The following TMSB15B variants were observed in gnomAD, a reference collection of about 807,000 sequenced individuals.
TMSB15B encodes thymosin beta 15B, also known as thymosin beta-15B.
At chrX:103,950,903 G>A (rs2075037515) in intron 1 of TMSB15B, among the ~76,000 whole-genome samples, 1 of 111,312 alleles carries the variant, frequency 9.0e-6, no homozygotes, top group Non-Finnish European at 1.9e-5. Flanking sequence ...TAGTGGGAAA[G>A]GAGAGTGGCT....
intron 1 of TMSB15B, among the ~76,000 whole-genome samples, chrX:103,947,508 T>C (rs142899634): frequency 1.1e-3 from 127 of 112,032 alleles, no homozygotes; most frequent in African/African-American, 4.0e-3. Flanking sequence ...GTATGTATAT[T>C]GTACTAAAAT....
At chrX:103,954,009 G>A (rs1293299148) in intron 1 of TMSB15B, among the ~76,000 whole-genome samples, 6 of 111,688 alleles carry the variant, frequency 5.4e-5, no homozygotes, top group African/African-American at 2.0e-4. Context: ...GAAACCCCTG[G>A]ATTGGGCTTA....
At chrX:103,946,037 C>A (rs781831120) in intron 1 of TMSB15B, among the ~76,000 whole-genome samples, 1 of 112,231 alleles carries the variant, frequency 8.9e-6, no homozygotes, top group Non-Finnish European at 1.9e-5. Context: ...TACAAACTTA[C>A]AAATTAGCCT....
At chrX:103,946,340 A>T (rs2075025587) in intron 1 of TMSB15B, among the ~76,000 whole-genome samples, 1 of 112,176 alleles carries the variant, frequency 8.9e-6, no homozygotes, top group Non-Finnish European at 1.9e-5. Flanking sequence ...TCTCACTGAA[A>T]ACATGGTCCT....
chrX:103,929,985 A>G (rs2074980142), intron 1 of TMSB15B, among the ~76,000 whole-genome samples: 1 of 110,982 alleles, frequency 9.0e-6, no homozygotes, highest in African/African-American at 3.3e-5. Context: ...GTCATTTAGC[A>G]TTAGGTATAT....
intron 1 of TMSB15B, among the ~76,000 whole-genome samples, chrX:103,920,552 C>A (rs1254735325): frequency 6.2e-5 from 7 of 112,451 alleles, no homozygotes; most frequent in African/African-American, 1.6e-4. Context: ...TTCCTACCCG[C>A]GGTCCTTCCT....
intron 1 of TMSB15B, among the ~76,000 whole-genome samples, chrX:103,945,990 G>T (rs1184327595): frequency 8.9e-6 from 1 of 112,337 alleles, no homozygotes; most frequent in Non-Finnish European, 1.9e-5. Flanking sequence ...GAATATTCTT[G>T]TCAAGAACTA....
At chrX:103,930,728 A>ATG (rs2074982534) in intron 1 of TMSB15B, among the ~76,000 whole-genome samples, 26 of 39,617 alleles carry the variant, frequency 6.6e-4, no homozygotes, top group East Asian at 2.0e-3. Flanking sequence ...TGCTGTTGAT[A>ATG]ATAATAATAA....
intron 1 of TMSB15B, among the ~76,000 whole-genome samples, chrX:103,954,366 T>C (rs1556328787): frequency 8.9e-6 from 1 of 112,114 alleles, no homozygotes; most frequent in East Asian, 2.8e-4. Context: ...CAGGGCAGTC[T>C]TGCGTGCTCT....
chrX:103,924,923 T>C (rs1180651321), intron 1 of TMSB15B, among the ~76,000 whole-genome samples: 2 of 111,542 alleles, frequency 1.8e-5, no homozygotes, highest in Non-Finnish European at 3.8e-5. Context: ...TCCTAGATTA[T>C]TTATGTTGCA....
intron 1 of TMSB15B, among the ~76,000 whole-genome samples, chrX:103,920,374 G>C (rs1436823070): frequency 3.6e-5 from 4 of 112,008 alleles, no homozygotes; most frequent in Non-Finnish European, 5.6e-5. Context: ...TAAAGAGTGT[G>C]ATTTGTAGTT....
chrX:103,925,976 G>C (rs1468377928), intron 1 of TMSB15B, among the ~76,000 whole-genome samples: 1 of 111,702 alleles, frequency 9.0e-6, no homozygotes, highest in African/African-American at 3.3e-5. Context: ...TGTGGATTTA[G>C]TGGCCTGGGT....
intron 1 of TMSB15B, among the ~76,000 whole-genome samples, chrX:103,922,945 T>A (rs188570101): frequency 8.9e-6 from 1 of 112,439 alleles, no homozygotes; most frequent in Non-Finnish European, 1.9e-5. Context: ...ATTTGCATTT[T>A]TCTGATGGCC....
chrX:103,927,149 C>T (rs2074970599), intron 1 of TMSB15B, among the ~76,000 whole-genome samples: 1 of 111,227 alleles, frequency 9.0e-6, no homozygotes, highest in African/African-American at 3.3e-5. Context: ...CCTTGCACTG[C>T]CTATTCTATC....
rs180890978 is a variant in TMSB15B, at chrX:103,921,748, T to G, written c.-721+2456T>G. On this transcript the variant is annotated intron_variant, in intron 1 of 3. Coordinates refer to the TMSB15B transcript ENST00000419165. The stretch of plus-strand genomic sequence containing the variant: ...CAATAATAGCTGCCTTTGGCTGCCT[T>G]CCTCCTTTGTACCAGGAACTTTCTA... Among the ~76,000 whole-genome samples the G allele has an allele frequency of 1.7e-3, 193 of 112,427 alleles. 1 individual carries two copies. Among genetic ancestry groups the G allele is most frequent in the African/African-American group, 6.0e-3 (185 of 31,006 alleles).
At chrX:103,946,379 T>G (rs1846588385) in intron 1 of TMSB15B, among the ~76,000 whole-genome samples, 3 of 112,372 alleles carry the variant, frequency 2.7e-5, no homozygotes, top group Non-Finnish European at 5.6e-5. Context: ...GAGTCATCAG[T>G]GCCTTACCTT....
intron 1 of TMSB15B, among the ~76,000 whole-genome samples, chrX:103,946,405 A>G (rs1293856753): frequency 5.3e-5 from 6 of 112,286 alleles, no homozygotes. Context: ...CATACTCAGC[A>G]AGAGTACGCA....
intron 1 of TMSB15B, among the ~76,000 whole-genome samples, chrX:103,933,793 T>G (rs1380463468): frequency 9.0e-6 from 1 of 110,687 alleles, no homozygotes; most frequent in Non-Finnish European, 1.9e-5. Flanking sequence ...TTGAGGGTCA[T>G]TCTGGTTGTT....
intron 1 of TMSB15B, among the ~76,000 whole-genome samples, chrX:103,921,997 A>AG (rs1556317884): frequency 9.0e-6 from 1 of 111,572 alleles, no homozygotes; most frequent in East Asian, 2.8e-4. Context: ...GGCATTCTGC[A>AG]GATAACCCAG....
Sources: gnomAD v4.1 joint callset for allele counts (sites outside exome capture counted in the v4.1 genomes callset) on GRCh38, gnomAD v4.1.1 for gene constraint, MANE v1.5 for transcripts, NCBI Gene and HGNC (gene_info 2026-07-23, HGNC 2026-07-21) for gene names.